The following TMTC1 variants were observed in gnomAD, a reference collection of about 807,000 sequenced individuals.
TMTC1 encodes protein O-mannosyl-transferase TMTC1.
TMTC1 carries 73 observed loss-of-function variants against 104.8 expected under a neutral mutation model. The ratio of observed to expected loss-of-function variants is 0.70; its 90% CI spans 0.58 to 0.85. TMTC1 has a LOEUF of 0.85. Among genes scored for constraint, TMTC1 ranks in the 40% least tolerant of loss-of-function variants. TMTC1 has a pLI of 0.00. For missense variants in TMTC1, 1,035 were observed against 1,096.1 expected, an observed-to-expected ratio of 0.94 and a Z score of 0.79; for synonymous variants, 434 against 428.7, an observed-to-expected ratio of 1.01 and a Z score of -0.15.
At chr12:29,744,043 C>A (rs911121534) in intron 5 of TMTC1, among the ~76,000 whole-genome samples, 3 of 152,118 alleles carry the variant, frequency 2.0e-5, no homozygotes, top group African/African-American at 7.2e-5. Context: ...TTTCAACAGC[C>A]TGTTGTGACA....
chr12:29,508,008 T>C (rs1943738105), intron 17 of TMTC1, among the ~76,000 whole-genome samples: 1 of 152,222 alleles, frequency 6.6e-6, no homozygotes, highest in Non-Finnish European at 1.5e-5. Context: ...ACTTATCCAG[T>C]GCTTACCTAT....
chr12:29,720,022 G>T (rs1056042029), intron 5 of TMTC1, among the ~76,000 whole-genome samples: 3 of 152,128 alleles, frequency 2.0e-5, no homozygotes, highest in Admixed American at 6.6e-5. Flanking sequence ...ATGTCTTAAG[G>T]AACAACCCCA....
chr12:29,580,750 C>A (rs886261040), intron 8 of TMTC1, among the ~76,000 whole-genome samples: 1 of 152,180 alleles, frequency 6.6e-6, no homozygotes, highest in African/African-American at 2.4e-5. Flanking sequence ...CTCAGACCTA[C>A]AAGAGCATGA....
chr12:29,683,890 A>G (rs1234278509), intron 5 of TMTC1, among the ~76,000 whole-genome samples: 1 of 150,406 alleles, frequency 6.6e-6, no homozygotes, highest in African/African-American at 2.5e-5. Context: ...TCACCTAGCC[A>G]TGGAGTACAG....
chr12:29,759,868 T>C (rs1380075387), intron 2 of TMTC1, among the ~76,000 whole-genome samples: 1 of 152,070 alleles, frequency 6.6e-6, no homozygotes, highest in Non-Finnish European at 1.5e-5. Flanking sequence ...AAATAAATGG[T>C]ACAATAATAT....
At position 29,783,368 on chromosome 12, in the gene TMTC1, C is replaced by T. The variant is rs1400525536; in HGVS notation, c.302+82G>A. On this transcript the variant is annotated intron_variant, in intron 1 of 17. Coordinates refer to ENST00000539277, the MANE Select transcript of TMTC1 (RefSeq NM_001193451.2). The surrounding 1 kb of genome is among the most constrained non-coding windows in gnomAD (Gnocchi z 4.7). The stretch of plus-strand genomic sequence containing the variant: ...CGGCAAAAATGAAATGCCCCCAAGT[C>T]AGTCCCGCAACTTCTCCCGGTCCGA... 6 of 1,209,556 alleles carry T rather than the reference C, an allele frequency of 5.0e-6. No homozygotes were observed. In the East Asian group the frequency reaches 1.9e-4, roughly 38 times the overall value. 74.9% of individuals were successfully genotyped at this position (1,209,556 alleles called of 1,614,324 possible).
At position 29,755,861 on chromosome 12, in the gene TMTC1, C is replaced by T; in HGVS notation, c.579G>A (p.Gly193=). ...GAGACACCGTGGAAGGGAAACTTCC[C>T]CCAACACAGCCCTGATCCAGACTCC... ...YNRSLDQGCV[G]GSFPSTVSPF... The change falls in exon 4 of 18, where the codon GGG becomes GGA. Residue 193 remains glycine, a synonymous_variant. Transcript: ENST00000539277. 1 of 1,614,078 alleles carries T rather than the reference C, an allele frequency of 6.2e-7. No homozygotes were observed. The highest frequency in any genetic ancestry group is 8.5e-7 in the Non-Finnish European group (1 of 1,179,990).
At chr12:29,758,089 T>C (rs1178981535) in intron 3 of TMTC1, among the ~76,000 whole-genome samples, 1 of 152,164 alleles carries the variant, frequency 6.6e-6, no homozygotes, top group Non-Finnish European at 1.5e-5. Context: ...AATCCACTCC[T>C]TTCTCTATAT....
intron 5 of TMTC1, among the ~76,000 whole-genome samples, chr12:29,653,113 A>G (rs903846881): frequency 6.6e-6 from 1 of 151,324 alleles, no homozygotes; most frequent in African/African-American, 2.4e-5. Context: ...ATATACTTAT[A>G]TATCTGGCAA....
At chr12:29,784,010 C>T (rs981685628), upstream of TMTC1, 4 of 175,710 alleles carry the variant, frequency 2.3e-5, no homozygotes, top group African/African-American at 2.4e-5. Flanking sequence ...CGCTCGCTCT[C>T]TCTTCCACCG....
chr12:29,642,030 AAC>A (rs1938876848), intron 5 of TMTC1, among the ~76,000 whole-genome samples: 1 of 152,186 alleles, frequency 6.6e-6, no homozygotes, highest in Non-Finnish European at 1.5e-5. Flanking sequence ...AATCCAATCC[AAC>A]AAAGACAAAG....
chr12:29,583,360 C>A, intron 8 of TMTC1, 47 bp downstream of exon 8: 1 of 1,560,362 alleles, frequency 6.4e-7, no homozygotes, highest in South Asian at 1.2e-5. Flanking sequence ...AATTTGTAAG[C>A]AAAGAAATAA....
intron 10 of TMTC1, among the ~76,000 whole-genome samples, chr12:29,536,551 T>A (rs1944649983): frequency 6.6e-6 from 1 of 152,210 alleles, no homozygotes; most frequent in Admixed American, 6.5e-5. Context: ...GGTTATCCAC[T>A]TTTTTCTACC....
At chr12:29,736,261 C>CAAAA (rs367958905) in intron 5 of TMTC1, among the ~76,000 whole-genome samples, 2 of 88,568 alleles carry the variant, frequency 2.3e-5, no homozygotes, top group Non-Finnish European at 4.7e-5. Context: ...TAGGTAAAGC[C>CAAAA]AAAAAAAAAA....
chr12:29,621,984 C>T (rs1385632715), intron 6 of TMTC1, among the ~76,000 whole-genome samples: 11 of 152,062 alleles, frequency 7.2e-5, no homozygotes, highest in Non-Finnish European at 1.6e-4. Flanking sequence ...GGGCTCGGTG[C>T]CACAGCCTGT....
At chr12:29,664,227 A>AT (rs200246066) in intron 5 of TMTC1, among the ~76,000 whole-genome samples, 6,007 of 151,270 alleles carry the variant, frequency 0.04, 181 homozygotes, top group Admixed American at 0.067. Flanking sequence ...AAAAAATAAA[A>AT]AAAATAAAAT....
chr12:29,758,852 G>T, intron 2 of TMTC1, 75 bp from the exon 3 acceptor site: 1 of 1,274,356 alleles, frequency 7.8e-7, no homozygotes, highest in Non-Finnish European at 1.1e-6. Context: ...ATCCATTACA[G>T]AAATGTATTT....
intron 5 of TMTC1, among the ~76,000 whole-genome samples, chr12:29,710,614 A>T (rs1022267498): frequency 7.0e-6 from 1 of 142,180 alleles, no homozygotes; most frequent in Non-Finnish European, 1.5e-5. Context: ...AATTTTTTAT[A>T]TTTATATTTA....
chr12:29,515,109 T>C (rs1348359627), intron 15 of TMTC1, among the ~76,000 whole-genome samples: 4 of 152,198 alleles, frequency 2.6e-5, no homozygotes, highest in African/African-American at 9.7e-5. Context: ...TTCCCACGTA[T>C]CGATGAGTGG....
Sources: gnomAD v4.1 joint callset for allele counts (sites outside exome capture counted in the v4.1 genomes callset) on GRCh38, gnomAD v4.1.1 for gene constraint, Gnocchi (gnomAD v3.1) non-coding constraint, MANE v1.5 for transcripts, NCBI Gene and HGNC (gene_info 2026-07-23, HGNC 2026-07-21) for gene names.